Variants in PIK3C2A observed in about 807,000 individuals in gnomAD.
The protein encoded by PIK3C2A is phosphatidylinositol 4-phosphate 3-kinase C2 domain-containing subunit alpha.
A neutral mutation model predicts 204.5 loss-of-function variants in PIK3C2A; 97 were observed. The ratio of observed to expected loss-of-function variants is 0.47; its 90% CI spans 0.40 to 0.56. The LOEUF (loss-of-function observed/expected upper bound fraction) is 0.56, where lower values mean the gene tolerates loss of function less well. Ranked by LOEUF, PIK3C2A falls within the 20% of genes least tolerant of loss-of-function variation. The pLI is 0.00. For missense variants in PIK3C2A, 1,735 were observed against 1,969.2 expected (o/e 0.88, Z 2.25); for synonymous variants, 653 against 664.4 (o/e 0.98, Z 0.26).
At chr11:17,203,279 G>T (rs1852450311) in intron 1 of PIK3C2A, among the ~76,000 whole-genome samples, 1 of 151,404 alleles carries the variant, frequency 6.6e-6, no homozygotes, top group Non-Finnish European at 1.5e-5. Context: ...GATCGCTTGA[G>T]GCCAGGAGTT....
At chr11:17,101,884 T>C (rs1180527982) in intron 24 of PIK3C2A, among the ~76,000 whole-genome samples, 3 of 152,098 alleles carry the variant, frequency 2.0e-5, no homozygotes, top group South Asian at 4.1e-4. Context: ...ATTACAGGCG[T>C]GAGCCACTGC....
intron 2 of PIK3C2A, among the ~76,000 whole-genome samples, chr11:17,167,766 T>TTAG (rs1372297266): frequency 6.6e-6 from 1 of 152,244 alleles, no homozygotes; most frequent in Non-Finnish European, 1.5e-5. Context: ...ATTAGCTGAA[T>TTAG]ATTAATTCAC....
At chr11:17,093,940 G>T (rs560163052) in intron 28 of PIK3C2A, among the ~76,000 whole-genome samples, 75 of 152,202 alleles carry the variant, frequency 4.9e-4, no homozygotes, top group South Asian at 1.9e-3. Flanking sequence ...CACCTGGCAG[G>T]ATATGACTTT....
Position 17,124,889 on chromosome 11 carries a change from G to A in PIK3C2A, c.2400-2076C>T, listed in dbSNP as rs184440701. Among the ~76,000 whole-genome samples the A allele has an allele frequency of 5.9e-5, 9 of 152,250 alleles. No individual in the cohort carries two copies. The East Asian group carries it at 1.5e-3, about 26-fold the overall frequency. The stretch of plus-strand genomic sequence containing the variant: ...ATTTTGCTGGTTATACTCCTCTGGT[G>A]TCATTTCACATGTCCTCCTGTATTT... On this transcript the variant is annotated intron_variant, in intron 13 of 32. Transcript: ENST00000691414.
At chr11:17,168,616 G>T (rs961844501) in intron 2 of PIK3C2A, 61 bp downstream of exon 2, 4 of 1,137,682 alleles carry the variant, frequency 3.5e-6, no homozygotes, top group Non-Finnish European at 3.8e-6. Context: ...CACAAATTAT[G>T]TACACAAATA....
At chr11:17,171,357 T>C (rs1851153270) in intron 1 of PIK3C2A, among the ~76,000 whole-genome samples, 1 of 152,206 alleles carries the variant, frequency 6.6e-6, no homozygotes, top group African/African-American at 2.4e-5. Context: ...GTTTACATTC[T>C]ATGGTCTTTC....
At chr11:17,089,993 A>G in intron 32 of PIK3C2A, 73 bp from the exon 33 acceptor site, 1 of 1,139,302 alleles carries the variant, frequency 8.8e-7, no homozygotes. Context: ...TTTCAAGTGA[A>G]AACGTGAGAA....
intron 24 of PIK3C2A, among the ~76,000 whole-genome samples, chr11:17,102,127 T>C (rs1441108244): frequency 6.6e-6 from 1 of 152,128 alleles, no homozygotes; most frequent in Non-Finnish European, 1.5e-5. Context: ...AAAAAATATA[T>C]GTCCCTTAAT....
In PIK3C2A at chr11:17,141,682, C is replaced by T. The variant is rs527929883; in HGVS notation, c.1704+3986G>A. ...GCTTTTTATCTTCCAGAATATAATCCAGGATATCACATTACATTTAGTGAC... is the reference window on the plus strand; with the variant it reads ...GCTTTTTATCTTCCAGAATATAATCTAGGATATCACATTACATTTAGTGAC... On this transcript the variant is annotated intron_variant, in intron 8 of 32. Coordinates refer to ENST00000691414, the MANE Select transcript of PIK3C2A (RefSeq NM_002645.4). Among the ~76,000 whole-genome samples the T allele has an allele frequency of 1.1e-4, 16 of 152,170 alleles. No homozygotes were observed. The South Asian group carries it at 2.1e-3, about 20-fold the overall frequency.
chr11:17,130,466 G>C (rs1331572704), intron 12 of PIK3C2A, among the ~76,000 whole-genome samples: 1 of 152,114 alleles, frequency 6.6e-6, no homozygotes, highest in African/African-American at 2.4e-5. Flanking sequence ...AAAAAGTTCT[G>C]CAACTGTCTA....
chr11:17,194,417 G>A (rs541397152), intron 1 of PIK3C2A: 1 of 184,914 alleles, frequency 5.4e-6, no homozygotes, highest in East Asian at 1.3e-4. Flanking sequence ...AAATAAACCT[G>A]AGGCAGGAAA....
At chr11:17,190,574 C>CA (rs35193747) in intron 1 of PIK3C2A, among the ~76,000 whole-genome samples, 120 of 113,990 alleles carry the variant, frequency 1.1e-3, no homozygotes, top group Middle Eastern at 4.4e-3. Context: ...GACTCTGTCT[C>CA]AAAAAAAAAA....
rs754663904 is a variant in PIK3C2A at position 17,092,085 on chromosome 11, A to G, written c.4570-17T>C. On this transcript the variant is annotated splice_polypyrimidine_tract_variant and intron_variant, in intron 29 of 32. Transcript: ENST00000691414. ...AAGATCACACTAAGAATAAAGAGAA[A>G]GCAATTCATTAGTTTAAATATTATG... is the stretch of plus-strand genomic sequence containing the variant. 6.3e-7 allele frequency: 1 copy of G among 1,576,124 alleles called. No homozygotes were observed. The highest frequency in any genetic ancestry group is 8.7e-7 in the Non-Finnish European group (1 of 1,145,594).
At chr11:17,148,366 A>C (rs1850316199) in intron 5 of PIK3C2A, 1 of 268,096 alleles carries the variant, frequency 3.7e-6, no homozygotes, top group Non-Finnish European at 7.2e-6. Context: ...GTGACTATTG[A>C]CTCTTTACAG....
chr11:17,172,963 C>T (rs1447989448), intron 1 of PIK3C2A, among the ~76,000 whole-genome samples: 1 of 152,150 alleles, frequency 6.6e-6, no homozygotes, highest in East Asian at 1.9e-4. Flanking sequence ...TTTTCACTGT[C>T]AAACTTCTCC....
Position 17,192,821 on chromosome 11 carries a change from C to A in PIK3C2A, c.-66+15027G>T, listed in dbSNP as rs968980273. On this transcript the variant is annotated intron_variant, in intron 1 of 32. Transcript: ENST00000691414. Reference sequence around the variant, plus strand: ...AATACAGTATTTGACTTTAAACATTCAGCCAATTATTATGTGGTAACTATG... The same window carrying A: ...AATACAGTATTTGACTTTAAACATTAAGCCAATTATTATGTGGTAACTATG... Among the ~76,000 whole-genome samples, 37 of 152,234 alleles carry A rather than the reference C, an allele frequency of 2.4e-4. 1 individual carries two copies.
intron 12 of PIK3C2A, among the ~76,000 whole-genome samples, chr11:17,131,184 G>A (rs180891567): frequency 1.1e-3 from 168 of 152,096 alleles, no homozygotes; most frequent in African/African-American, 3.9e-3. Context: ...GCAAAACTCC[G>A]CCTCAAAAAA....
intron 8 of PIK3C2A, among the ~76,000 whole-genome samples, chr11:17,143,991 T>C (rs182888002): frequency 6.6e-6 from 1 of 152,228 alleles, no homozygotes; most frequent in African/African-American, 2.4e-5. Flanking sequence ...TTGTTAATTT[T>C]TTTTTTTAAT....
chr11:17,099,754 T>C (rs1848561367), intron 26 of PIK3C2A, 106 bp downstream of exon 26: 1 of 579,554 alleles, frequency 1.7e-6, no homozygotes, highest in South Asian at 2.4e-5. Context: ...TCAGAATTTG[T>C]TCCTATAAAT....
Sources: allele counts gnomAD v4.1 joint callset (sites outside exome capture counted in the v4.1 genomes callset), GRCh38; gene constraint gnomAD v4.1.1; transcripts MANE v1.5; gene names NCBI Gene and HGNC (gene_info 2026-07-23, HGNC 2026-07-21).